Variants in ITPRID1 observed in about 807,000 individuals in gnomAD.
ITPRID1 encodes the protein protein ITPRID1.
In ITPRID1, 96 loss-of-function variants were observed where a neutral mutation model predicts 95.4. The ratio of observed to expected loss-of-function variants is 1.01; its 90% CI spans 0.85 to 1.19. The LOEUF is 1.19. Ranked by LOEUF, ITPRID1 falls within the 50% of genes most tolerant of loss-of-function variation. ITPRID1 has a pLI of 0.00. For missense variants in ITPRID1, 1,339 were observed against 1,252.9 expected, an observed-to-expected ratio of 1.07 and a Z score of -1.04; for synonymous variants, 510 against 453.6, an observed-to-expected ratio of 1.12 and a Z score of -1.58.
chr7:31,648,083 GATCT>G (rs771117412), intron 12 of ITPRID1, among the ~76,000 whole-genome samples: 75 of 152,128 alleles, frequency 4.9e-4, no homozygotes, highest in South Asian at 4.1e-4. Flanking sequence ...AAGAAAATGA[GATCT>G]ATCAGAAATA....
intron 5 of ITPRID1, among the ~76,000 whole-genome samples, chr7:31,565,739 A>AAAAAATT (rs1562573190): frequency 6.7e-6 from 1 of 150,308 alleles, no homozygotes; most frequent in African/African-American, 2.5e-5. Flanking sequence ...CTCCATCTCA[A>AAAAAATT]AAAAATAAAA....
At chr7:31,622,940 C>T (rs1477483069) in intron 10 of ITPRID1, among the ~76,000 whole-genome samples, 10 of 152,318 alleles carry the variant, frequency 6.6e-5, no homozygotes, top group South Asian at 2.1e-4. Flanking sequence ...ACCAATCCCA[C>T]AGAAATACAA....
intron 1 of ITPRID1, among the ~76,000 whole-genome samples, chr7:31,525,364 T>A (rs929610857): frequency 1.8e-4 from 27 of 152,192 alleles, no homozygotes; most frequent in African/African-American, 6.5e-4. Context: ...TAGGGCTACA[T>A]CCTTGGCCTC....
At chr7:31,577,651 CT>C (rs1785232572) in intron 8 of ITPRID1, among the ~76,000 whole-genome samples, 1 of 152,168 alleles carries the variant, frequency 6.6e-6, no homozygotes, top group Non-Finnish European at 1.5e-5. Context: ...AAGCTGTTCA[CT>C]TTCCCCATAA....
chr7:31,564,329 T>C (rs1290852510), intron 5 of ITPRID1, among the ~76,000 whole-genome samples: 2 of 152,070 alleles, frequency 1.3e-5, no homozygotes, highest in African/African-American at 4.8e-5. Context: ...ATGTATCAAA[T>C]AGAGTGGGAA....
At chr7:31,552,020 A>C in intron 2 of ITPRID1, 1 of 369,102 alleles carries the variant, frequency 2.7e-6, no homozygotes, top group Non-Finnish European at 5.5e-6. Flanking sequence ...GTTAAATTCT[A>C]GAGATACATA....
At chr7:31,573,694 A>G (rs1400808301) in intron 7 of ITPRID1, among the ~76,000 whole-genome samples, 2 of 151,942 alleles carry the variant, frequency 1.3e-5, no homozygotes, top group Non-Finnish European at 2.9e-5. Context: ...AGACTCCCAT[A>G]GTCTCCTGGG....
chr7:31,615,219 C>A (rs1787093632), intron 10 of ITPRID1, among the ~76,000 whole-genome samples: 1 of 151,978 alleles, frequency 6.6e-6, no homozygotes, highest in South Asian at 2.1e-4. Flanking sequence ...GGATATAGGG[C>A]TGACTAGTGA....
At chr7:31,528,961 A>G (rs369862665) in intron 1 of ITPRID1, among the ~76,000 whole-genome samples, 1 of 152,204 alleles carries the variant, frequency 6.6e-6, no homozygotes, top group Non-Finnish European at 1.5e-5. Context: ...GCATTATGTC[A>G]TATATAAGAA....
chr7:31,531,048 G>A (rs369437332), intron 1 of ITPRID1, among the ~76,000 whole-genome samples: 12 of 152,174 alleles, frequency 7.9e-5, no homozygotes, highest in East Asian at 3.9e-4. Flanking sequence ...TCCAGGGCTG[G>A]TCATCTCCCA....
chr7:31,548,572 G>A (rs1299145373), intron 1 of ITPRID1, among the ~76,000 whole-genome samples: 13 of 152,132 alleles, frequency 8.5e-5, no homozygotes, highest in Admixed American at 8.5e-4. Context: ...GATAGGGCAT[G>A]AGTTCTAGAG....
chr7:31,572,450 A>G (rs1785024503), intron 7 of ITPRID1, among the ~76,000 whole-genome samples: 1 of 151,926 alleles, frequency 6.6e-6, no homozygotes, highest in Admixed American at 6.6e-5. Flanking sequence ...GATAAAAAGC[A>G]TAGTCAGACA....
chr7:31,602,835 C>G (rs2391991), intron 10 of ITPRID1, among the ~76,000 whole-genome samples: 147,696 of 151,432 alleles, frequency 0.98, 72,039 homozygotes, highest in East Asian at 0.99. Context: ...TTTTCTCTCT[C>G]TGGTTATTTA....
intron 1 of ITPRID1, 21 bp downstream of exon 1, chr7:31,514,141 G>T (rs1782980070): frequency 6.6e-6 from 1 of 152,228 alleles, no homozygotes; most frequent in African/African-American, 2.4e-5. Flanking sequence ...GCTGCTGGAG[G>T]GGGCTTTCAT....
intron 10 of ITPRID1, among the ~76,000 whole-genome samples, chr7:31,618,905 C>T (rs1381754553): frequency 6.6e-6 from 1 of 152,066 alleles, no homozygotes; most frequent in Non-Finnish European, 1.5e-5. Flanking sequence ...TTATAAGAAG[C>T]CAAAGTGGAT....
intron 9 of ITPRID1, among the ~76,000 whole-genome samples, chr7:31,578,901 A>T (rs964035615): frequency 6.6e-6 from 1 of 152,164 alleles, no homozygotes; most frequent in Admixed American, 6.5e-5. Context: ...CTCCCCAAAA[A>T]GACTCTCAGC....
intron 10 of ITPRID1, among the ~76,000 whole-genome samples, chr7:31,608,918 A>C (rs913805927): frequency 3.3e-5 from 5 of 151,450 alleles, no homozygotes; most frequent in African/African-American, 9.7e-5. Context: ...TATGGGGAAA[A>C]ATTTTAGTAT....
At chr7:31,552,548 G>C (rs10261003) in intron 2 of ITPRID1, among the ~76,000 whole-genome samples, 88,823 of 152,016 alleles carry the variant, frequency 0.58, 26,977 homozygotes, top group Middle Eastern at 0.71. Flanking sequence ...TTATGTGAGG[G>C]CACACAACAA....
chr7:31,545,798 A>C (rs1402699015), intron 1 of ITPRID1, among the ~76,000 whole-genome samples: 1 of 152,028 alleles, frequency 6.6e-6, no homozygotes, highest in African/African-American at 2.4e-5. Flanking sequence ...GTGTTGACAG[A>C]ACACTCTATT....
Sources: allele counts gnomAD v4.1 joint callset (sites outside exome capture counted in the v4.1 genomes callset), GRCh38; gene constraint gnomAD v4.1.1; transcripts MANE v1.5; gene names NCBI Gene and HGNC (gene_info 2026-07-23, HGNC 2026-07-21).